Variants in CNTNAP2 observed in about 807,000 individuals in gnomAD.
The protein encoded by CNTNAP2 is contactin associated protein 2.
In CNTNAP2, 98 loss-of-function variants were observed where a neutral mutation model predicts 155.2. The observed-to-expected ratio is 0.63, with a 90% CI of 0.54 to 0.75. The LOEUF (loss-of-function observed/expected upper bound fraction) is 0.75, where lower values mean the gene tolerates loss of function less well. Among genes scored for constraint, CNTNAP2 ranks in the 30% least tolerant of loss-of-function variants. The probability of loss-of-function intolerance (pLI) is 0.00; values close to 1 mark genes in which losing one functional copy is unlikely to be tolerated. For synonymous variants in CNTNAP2, 651 were observed against 631.2 expected (o/e 1.03, Z -0.47); for missense variants, 1,727 against 1,688.1 (o/e 1.02, Z -0.40).
intron 21 of CNTNAP2, among the ~76,000 whole-genome samples, chr7:148,292,380 C>A (rs2116482740): frequency 6.6e-6 from 1 of 152,294 alleles, no homozygotes; most frequent in South Asian, 2.1e-4. Flanking sequence ...CCAATTTCTG[C>A]AAGTTCTACA....
intron 16 of CNTNAP2, among the ~76,000 whole-genome samples, chr7:148,121,266 C>T (rs1271380973): frequency 6.6e-6 from 1 of 152,152 alleles, no homozygotes; most frequent in African/African-American, 2.4e-5. Flanking sequence ...AACTCCTGAC[C>T]TCGTGATCCA....
rs185210457 is a variant in CNTNAP2 at position 147,696,186 on chromosome 7, C to T, written c.2098+56880C>T. On this transcript the variant is annotated intron_variant, in intron 13 of 23. Coordinates refer to ENST00000361727, the MANE Select transcript of CNTNAP2 (RefSeq NM_014141.6). ...GACCATTGACATTTAAGGTAAATAT[C>T]GATGTAGTTCAATTAATATCTATAA... 7.8e-4 allele frequency among the ~76,000 whole-genome samples: 118 copies of T among 152,200 alleles called. 2 individuals are homozygous for T. The Middle Eastern group carries it at 0.01, about 13-fold the overall frequency.
intron 7 of CNTNAP2, among the ~76,000 whole-genome samples, chr7:147,131,044 A>ATATATGTGTATATATATGTG (rs1554441745): frequency 7.0e-6 from 1 of 143,840 alleles, no homozygotes; most frequent in South Asian, 2.2e-4. Context: ...ATATATACAC[A>ATATATGTGTATATATATGTG]TATATATATG....
chr7:147,495,151 A>G (rs1266675235), intron 11 of CNTNAP2, among the ~76,000 whole-genome samples: 1 of 152,210 alleles, frequency 6.6e-6, no homozygotes, highest in Non-Finnish European at 1.5e-5. Context: ...TCCAACTAGT[A>G]TCAAGGCAAG....
At chr7:147,187,392 G>T (rs1225803904) in intron 8 of CNTNAP2, among the ~76,000 whole-genome samples, 1 of 152,110 alleles carries the variant, frequency 6.6e-6, no homozygotes, top group African/African-American at 2.4e-5. Flanking sequence ...ACTGGTTAAA[G>T]AAAATATGGT....
At chr7:146,400,266 TA>T (rs10618573) in intron 1 of CNTNAP2, among the ~76,000 whole-genome samples, 27,100 of 148,498 alleles carry the variant, frequency 0.18, 3,978 homozygotes, top group African/African-American at 0.41. Context: ...GCTATTCTAG[TA>T]AAAAAAAAAA....
chr7:147,088,591 T>A lies in CNTNAP2; in HGVS notation c.551-19556T>A, dbSNP rs185476363. Among the ~76,000 whole-genome samples, 282 of 152,302 alleles carry A rather than the reference T, an allele frequency of 1.9e-3. 5 individuals carry two copies. The highest frequency in any genetic ancestry group is 6.1e-3 in the African/African-American group (253 of 41,572). On this transcript the variant is annotated intron_variant, in intron 4 of 23. Transcript: ENST00000361727. The stretch of plus-strand genomic sequence containing the variant: ...TATTATGTCATATTATGAAGCAGTA[T>A]GTAACTAAAGGGCTGGTGATTGAGC...
intron 3 of CNTNAP2, among the ~76,000 whole-genome samples, chr7:147,011,937 A>G (rs961024073): frequency 7.9e-5 from 12 of 152,216 alleles, no homozygotes; most frequent in African/African-American, 2.9e-4. Context: ...GTCTACTAGA[A>G]TTAGACCAGA....
At chr7:148,348,634 C>T (rs1798366024) in intron 21 of CNTNAP2, among the ~76,000 whole-genome samples, 1 of 152,122 alleles carries the variant, frequency 6.6e-6, no homozygotes, top group South Asian at 2.1e-4. Context: ...AAGGCCAAAG[C>T]GGCTCAGGCA....
At chr7:148,123,852 A>C (rs1804658138) in intron 16 of CNTNAP2, among the ~76,000 whole-genome samples, 3 of 152,232 alleles carry the variant, frequency 2.0e-5, no homozygotes, top group Admixed American at 2.0e-4. Context: ...AAGACATTTC[A>C]AAAAGGAAAA....
intron 10 of CNTNAP2, among the ~76,000 whole-genome samples, chr7:147,415,734 A>C (rs559424585): frequency 4.6e-5 from 7 of 152,320 alleles, no homozygotes; most frequent in Non-Finnish European, 8.8e-5. Flanking sequence ...ATTAGGAAAA[A>C]AAATGTGAAA....
chr7:147,755,872 G>A (rs990471816), intron 13 of CNTNAP2, among the ~76,000 whole-genome samples: 1 of 151,384 alleles, frequency 6.6e-6, no homozygotes. Flanking sequence ...TATGTCAAAA[G>A]TCCTGGTTAG....
At chr7:146,127,574 G>T (rs1797654767) in intron 1 of CNTNAP2, among the ~76,000 whole-genome samples, 1 of 152,144 alleles carries the variant, frequency 6.6e-6, no homozygotes, top group Non-Finnish European at 1.5e-5. Context: ...TACAACTTCT[G>T]CAACCCTTTT....
chr7:146,624,090 A>G (rs1482521560), intron 1 of CNTNAP2, among the ~76,000 whole-genome samples: 1 of 152,020 alleles, frequency 6.6e-6, no homozygotes, highest in Non-Finnish European at 1.5e-5. Flanking sequence ...TATTTAATAA[A>G]TAGCCCAATT....
intron 21 of CNTNAP2, among the ~76,000 whole-genome samples, chr7:148,276,596 G>T (rs1166229696): frequency 6.6e-6 from 1 of 152,190 alleles, no homozygotes; most frequent in African/African-American, 2.4e-5. Context: ...TCCTGGAGCA[G>T]GACTGAGGTG....
At chr7:146,469,781 G>A (rs1444963889) in intron 1 of CNTNAP2, among the ~76,000 whole-genome samples, 3 of 151,238 alleles carry the variant, frequency 2.0e-5, no homozygotes, top group South Asian at 4.2e-4. Context: ...ACACGCCTAG[G>A]CCTCCCAAAG....
Position 146,451,847 on chromosome 7 carries a change from C to CGTGTATATATACATACGTGTATATATAT in CNTNAP2, c.98-322424_98-322423insGTGTATATATACATACGTGTATATATAT, listed in dbSNP as rs1258913949. Among the ~76,000 whole-genome samples the CGTGTATATATACATACGTGTATATATAT allele has an allele frequency of 1.3e-3, 113 of 83,740 alleles. 12 individuals carry two copies. The highest frequency in any genetic ancestry group is 4.1e-3 in the African/African-American group (111 of 27,334). 54.9% of individuals were successfully genotyped at this position (83,740 alleles called of 152,430 possible). On this transcript the variant is annotated intron_variant, in intron 1 of 23. Coordinates refer to ENST00000361727, the MANE Select transcript of CNTNAP2 (RefSeq NM_014141.6). ...ACGTATATATATACATATATATATA[C>CGTGTATATATACATACGTGTATATATAT]ACGTATTCTATATATATATATACGT... is the stretch of plus-strand genomic sequence containing the variant.
chr7:147,783,122 G>A (rs538456751), intron 13 of CNTNAP2, among the ~76,000 whole-genome samples: 4 of 152,250 alleles, frequency 2.6e-5, no homozygotes, highest in South Asian at 4.1e-4. Context: ...AATCCCTAGT[G>A]TGAAATCAAG....
At chr7:146,676,714 A>T (rs1035026081) in intron 1 of CNTNAP2, among the ~76,000 whole-genome samples, 9 of 152,194 alleles carry the variant, frequency 5.9e-5, no homozygotes, top group African/African-American at 2.2e-4. Flanking sequence ...CAAAAGGCTC[A>T]TCTTACATGG....
Sources: gnomAD v4.1 joint callset for allele counts (sites outside exome capture counted in the v4.1 genomes callset) on GRCh38, gnomAD v4.1.1 for gene constraint, MANE v1.5 for transcripts, NCBI Gene and HGNC (gene_info 2026-07-23, HGNC 2026-07-21) for gene names.